Variants in TMEM207 observed in about 807,000 individuals in gnomAD.
TMEM207 encodes transmembrane protein 207, also known as SRSR846.
In TMEM207, 15 loss-of-function variants were observed where a neutral mutation model predicts 17.4. That is an observed-to-expected ratio of 0.86 (90% confidence interval 0.58 to 1.33). The LOEUF (loss-of-function observed/expected upper bound fraction) is 1.33, where lower values mean the gene tolerates loss of function less well. TMEM207 is among the 40% of genes most tolerant of loss of function. TMEM207 has a pLI of 0.00. For missense variants in TMEM207, 205 were observed against 173.8 expected (o/e 1.18, Z -1.01); for synonymous variants, 70 against 65.6 (o/e 1.07, Z -0.33).
chr3:190,429,793 A>T, intron 4 of TMEM207, 62 bp from the exon 5 acceptor site: 4 of 1,473,756 alleles, frequency 2.7e-6, no homozygotes, highest in Non-Finnish European at 3.6e-6. Flanking sequence ...AAGTACATGA[A>T]CTGCCCGATA....
At chr3:190,445,810 C>T (rs1720032776) in intron 2 of TMEM207, among the ~76,000 whole-genome samples, 2 of 152,184 alleles carry the variant, frequency 1.3e-5, no homozygotes, top group Admixed American at 6.5e-5. Context: ...ACAGGGTTAG[C>T]CACTGCGCCC....
At chr3:190,431,112 C>CA (rs1460652308) in intron 4 of TMEM207, among the ~76,000 whole-genome samples, 22 of 152,208 alleles carry the variant, frequency 1.4e-4, no homozygotes, top group Non-Finnish European at 2.5e-4. Flanking sequence ...AAGGGTGGAG[C>CA]TGTGTTTAGT....
chr3:190,430,313 T>C (rs936124422), intron 4 of TMEM207, among the ~76,000 whole-genome samples: 3 of 152,010 alleles, frequency 2.0e-5, no homozygotes, highest in African/African-American at 7.2e-5. Context: ...AGATTAGGCA[T>C]AATATAGGCC....
In TMEM207 at chr3:190,438,174, C is replaced by T. The variant is rs141127439; in HGVS notation, c.304+2070G>A. On this transcript the variant is annotated intron_variant, in intron 4 of 4. Coordinates refer to ENST00000354905, the MANE Select transcript of TMEM207 (RefSeq NM_207316.3). ...TGGCGAGTTAATGGGTGTAGCACAC[C>T]AGCATGGCACATGTATACATATGTA... 1.5e-3 allele frequency among the ~76,000 whole-genome samples: 227 copies of T among 151,684 alleles called. 1 individual carries two copies. Among genetic ancestry groups the T allele is most frequent in the African/African-American group, 4.8e-3 (198 of 41,294 alleles).
chr3:190,431,366 A>T (rs187867733), intron 4 of TMEM207, among the ~76,000 whole-genome samples: 1 of 152,122 alleles, frequency 6.6e-6, no homozygotes, highest in African/African-American at 2.4e-5. Flanking sequence ...CAAGAGCTGT[A>T]CTAATGATAG....
At chr3:190,431,667 CT>C (rs111538596) in intron 4 of TMEM207, among the ~76,000 whole-genome samples, 5 of 152,184 alleles carry the variant, frequency 3.3e-5, no homozygotes, top group Admixed American at 2.0e-4. Context: ...TGAACTGCCC[CT>C]AGTGTATTCA....
chr3:190,442,173 A>G (rs1417137940), intron 2 of TMEM207, among the ~76,000 whole-genome samples: 2 of 152,244 alleles, frequency 1.3e-5, no homozygotes, highest in African/African-American at 2.4e-5. Context: ...CCGTAGGTGT[A>G]GAGTCCCTCA....
At chr3:190,441,072 GA>G (rs34324314) in intron 3 of TMEM207, among the ~76,000 whole-genome samples, 356 of 146,078 alleles carry the variant, frequency 2.4e-3, no homozygotes, top group African/African-American at 7.7e-3. Context: ...GTGTCTCAGA[GA>G]AAAAAAAAAA....
chr3:190,429,478 C>T lies in TMEM207; in HGVS notation c.*117G>A. 1 of 1,410,118 alleles carries T rather than the reference C, an allele frequency of 7.1e-7. No homozygotes were observed. Among genetic ancestry groups the T allele is most frequent in the Non-Finnish European group, 9.6e-7 (1 of 1,045,762 alleles). 87.4% of individuals were successfully genotyped at this position (1,410,118 alleles called of 1,614,324 possible). A position where few individuals can be genotyped will look rare whatever the true frequency, so the allele number is the denominator to read the frequency against. On this transcript the variant is annotated 3_prime_UTR_variant, in exon 5 of 5. Coordinates refer to ENST00000354905, the MANE Select transcript of TMEM207 (RefSeq NM_207316.3). Reference sequence around the variant, plus strand: ...ATTCTTTTGTCGAATTGTCCTTCCTCAGACTATATGAATAGATCTCTGGAC... The same window carrying T: ...ATTCTTTTGTCGAATTGTCCTTCCTTAGACTATATGAATAGATCTCTGGAC...
chr3:190,440,360 G>T lies in TMEM207; in HGVS notation c.188C>A (p.Ala63Asp). Residue 63 changes from alanine to aspartate, a missense_variant, in exon 4 of 5, where the codon GCT becomes GAT. Ala to Asp is a moderately radical substitution (Grantham distance 126, BLOSUM62 -2). Coordinates refer to ENST00000354905, the MANE Select transcript of TMEM207 (RefSeq NM_207316.3). ...WILLLLVLVA[A>D]LLCGAVVLCL... ...GAGGACCACAGCTCCACAGAGAAGA[G>T]CTGCCACCAAAACCAGCAGCAGGAG... 1 of 1,612,318 alleles carries T rather than the reference G, an allele frequency of 6.2e-7. No individual in the cohort carries two copies. Among genetic ancestry groups the T allele is most frequent in the South Asian group, 1.1e-5 (1 of 90,906 alleles).
At chr3:190,442,901 C>T (rs150853692) in intron 2 of TMEM207, among the ~76,000 whole-genome samples, 38 of 152,208 alleles carry the variant, frequency 2.5e-4, no homozygotes, top group African/African-American at 7.5e-4. Flanking sequence ...ACAATGATTT[C>T]GCCAAAATTA....
At position 190,443,281 on chromosome 3, in the gene TMEM207, A is replaced by T. The variant is rs1719974919; in HGVS notation, c.114-1799T>A. Among the ~76,000 whole-genome samples, 2 of 149,584 alleles carry T rather than the reference A, an allele frequency of 1.3e-5. 1 individual carries two copies. Among genetic ancestry groups the T allele is most frequent in the South Asian group, 4.2e-4 (2 of 4,772 alleles). On this transcript the variant is annotated intron_variant, in intron 2 of 4. Coordinates refer to ENST00000354905, the MANE Select transcript of TMEM207 (RefSeq NM_207316.3). ...TTTTCTGTTTGAAAATAGCCCCTTT[A>T]CTTATCGTTAAACTCAATTCTAAAT...
At chr3:190,435,612 C>A in intron 4 of TMEM207, among the ~76,000 whole-genome samples, 1 of 152,128 alleles carries the variant, frequency 6.6e-6, no homozygotes, top group East Asian at 1.9e-4. Flanking sequence ...ACAGTAAGTG[C>A]CAGGGTCTCT....
chr3:190,431,161 G>A (rs1719684107), intron 4 of TMEM207, among the ~76,000 whole-genome samples: 1 of 151,952 alleles, frequency 6.6e-6, no homozygotes, highest in Admixed American at 6.6e-5. Flanking sequence ...TTTTCTTAGA[G>A]TTATCTATTT....
intron 4 of TMEM207, among the ~76,000 whole-genome samples, chr3:190,433,790 G>A (rs564366835): frequency 2.1e-4 from 32 of 152,204 alleles, no homozygotes; most frequent in South Asian, 1.0e-3. Context: ...TGTTGAAGAC[G>A]GGGCCCGGTG....
chr3:190,433,604 T>C (rs946989643), intron 4 of TMEM207, among the ~76,000 whole-genome samples: 4 of 152,222 alleles, frequency 2.6e-5, no homozygotes, highest in African/African-American at 9.6e-5. Flanking sequence ...TTCTTTTTTC[T>C]CAACCTTTAC....
rs562215236 is a variant in TMEM207, at chr3:190,441,578, C to T, written c.114-96G>A. On this transcript the variant is annotated intron_variant, in intron 2 of 4. Transcript: ENST00000354905. ...ATTGGTACTGATCACACTTGTTTCT[C>T]CAGAACAGTCACCTACATATTCCCA... 9 of 948,650 alleles carry T rather than the reference C, an allele frequency of 9.5e-6. No individual in the cohort carries two copies. The East Asian group carries it at 2.2e-4, about 23-fold the overall frequency. The allele number at this position is 948,650 out of a possible 1,614,324, so 58.8% of individuals were successfully genotyped here.
chr3:190,440,750 T>C (rs950751265), intron 3 of TMEM207, among the ~76,000 whole-genome samples: 1 of 152,116 alleles, frequency 6.6e-6, no homozygotes, highest in Admixed American at 6.5e-5. Flanking sequence ...ACACACACTT[T>C]AGATATTGGG....
At position 190,440,533 on chromosome 3, in the gene TMEM207, T is replaced by TGAA. The variant is rs10657724; in HGVS notation, c.159-145_159-144insTTC. 1,157 of 620,392 alleles carry TGAA rather than the reference T, an allele frequency of 1.9e-3. 15 individuals are homozygous for TGAA. The African/African-American group carries it at 0.02, about 11-fold the overall frequency. The allele number at this position is 620,392 out of a possible 1,614,324, so 38.4% of individuals were successfully genotyped here. On this transcript the variant is annotated intron_variant, in intron 3 of 4. Coordinates refer to ENST00000354905, the MANE Select transcript of TMEM207 (RefSeq NM_207316.3). ...ACACTGAATTCCTTAAGCAATTTCC[T>TGAA]ACCACCACCCATACATTTCCACTGA...
Sources: allele counts gnomAD v4.1 joint callset (sites outside exome capture counted in the v4.1 genomes callset), GRCh38; gene constraint gnomAD v4.1.1; transcripts MANE v1.5; gene names NCBI Gene and HGNC (gene_info 2026-07-23, HGNC 2026-07-21).